CACNA1A: variants seen among roughly 807,000 people sequenced by gnomAD.
CACNA1A encodes the protein voltage-dependent P/Q-type calcium channel subunit alpha-1A.
Under a neutral mutation model 262.4 loss-of-function variants are expected in CACNA1A, and 57 were observed. The ratio of observed to expected loss-of-function variants is 0.22; its 90% CI spans 0.18 to 0.27. The LOEUF (loss-of-function observed/expected upper bound fraction) is 0.27. Among genes scored for constraint, CACNA1A ranks in the 10% least tolerant of loss-of-function variants. The pLI is 1.00. For missense variants in CACNA1A, 2,526 were observed against 3,562.8 expected, an observed-to-expected ratio of 0.71 and a Z score of 7.41; for synonymous variants, 1,431 against 1,419.3, an observed-to-expected ratio of 1.01 and a Z score of -0.18.
chr19:13,389,692 C>T lies in CACNA1A; in HGVS notation c.540-17913G>A, dbSNP rs534707954. Among the ~76,000 whole-genome samples the T allele has an allele frequency of 1.3e-4, 20 of 152,300 alleles. No individual in the cohort carries two copies. The East Asian group carries it at 3.7e-3, about 28-fold the overall frequency. ...TGATTAGCTTTTCAGACTTCACTTC[C>T]CTGATCCGCCTGTTCACATTTTCGG... On this transcript the variant is annotated intron_variant, in intron 3 of 46. Transcript: ENST00000360228.
At chr19:13,299,403 T>G in intron 18 of CACNA1A, 50 bp from the exon 19 acceptor site, 1 of 1,545,872 alleles carries the variant, frequency 6.5e-7, no homozygotes, top group Admixed American at 1.7e-5. Context: ...CACTGTAGCT[T>G]GGATGGATGA....
At chr19:13,327,551 T>A (rs79693119) in intron 10 of CACNA1A, among the ~76,000 whole-genome samples, 19,228 of 149,238 alleles carry the variant, frequency 0.13, 2,263 homozygotes, top group African/African-American at 0.32. Context: ...AAATTAAAAA[T>A]ATATATACAT....
chr19:13,209,479 G>C lies in CACNA1A; in HGVS notation c.6359C>G (p.Pro2120Arg), dbSNP rs866381013. Residue 2120 changes from proline (P) to arginine (R), a missense_variant, in exon 45 of 47, where the codon CCC becomes CGC. Coordinates refer to ENST00000360228, the MANE Select transcript of CACNA1A (RefSeq NM_001127222.2). ...CAGCACGGAGGCTGAACGCTTCATG[G>C]GGCTGGTGTCTGAGATGGTCTGGGG... ...NNLSTISDTS[P>R]MKRSASVLGP... is the part of the protein sequence containing the mutation. The C allele has an allele frequency of 1.5e-6, 2 of 1,336,778 alleles. No individual in the cohort carries two copies. Among genetic ancestry groups the C allele is most frequent in the Admixed American group, 3.4e-5 (1 of 29,818 alleles). 82.8% of individuals were successfully genotyped at this position (1,336,778 alleles called of 1,614,324 possible). A position where few individuals can be genotyped will look rare whatever the true frequency, so the allele number is the denominator to read the frequency against.
In CACNA1A at chr19:13,239,619, G is replaced by T. The variant is rs117574327; in HGVS notation, c.4951-3889C>A. Among the ~76,000 whole-genome samples, 187 of 152,298 alleles carry T rather than the reference G, an allele frequency of 1.2e-3. No homozygotes were observed. The East Asian group carries it at 0.023, about 19-fold the overall frequency. On this transcript the variant is annotated intron_variant, in intron 31 of 46. Transcript: ENST00000360228. The stretch of plus-strand genomic sequence containing the variant: ...TGATTCCAGGGCAAAGATGCCATTG[G>T]GGCGTCCCTCTAAGGGCCTCATTGG...
chr19:13,436,669 C>A (rs1008211817), intron 3 of CACNA1A, among the ~76,000 whole-genome samples: 2 of 152,244 alleles, frequency 1.3e-5, no homozygotes, highest in East Asian at 3.8e-4. Context: ...CTCTGTGGTT[C>A]TGTCTTTACC....
At chr19:13,464,390 C>T (rs1326561379) in intron 1 of CACNA1A, among the ~76,000 whole-genome samples, 1 of 151,904 alleles carries the variant, frequency 6.6e-6, no homozygotes, top group Non-Finnish European at 1.5e-5. Flanking sequence ...CAGAGCAAGA[C>T]CCTATCTCTT....
chr19:13,255,297 A>T, intron 28 of CACNA1A, 38 bp from the exon 29 acceptor site: 6 of 1,540,486 alleles, frequency 3.9e-6, no homozygotes, highest in Non-Finnish European at 5.3e-6. Flanking sequence ...CGGCAGAGGC[A>T]GGAGGAAGGT....
In CACNA1A at chr19:13,239,408, C is replaced by A. The variant is rs112501392; in HGVS notation, c.4951-3678G>T. Among the ~76,000 whole-genome samples the A allele has an allele frequency of 6.8e-3, 1,030 of 152,280 alleles. 9 individuals carry two copies. Among genetic ancestry groups the A allele is most frequent in the African/African-American group, 0.023 (937 of 41,552 alleles). On this transcript the variant is annotated intron_variant, in intron 31 of 46. Coordinates refer to ENST00000360228, the MANE Select transcript of CACNA1A (RefSeq NM_001127222.2). ...GCTGCTCATCCTTCAGCTCGCAGTG[C>A]AGGTATAATTTTAAGTGGAGTCAAG...
At chr19:13,459,032 T>C (rs1419458353) in intron 1 of CACNA1A, among the ~76,000 whole-genome samples, 1 of 152,148 alleles carries the variant, frequency 6.6e-6, no homozygotes, top group Non-Finnish European at 1.5e-5. Flanking sequence ...CTGTGTGTGC[T>C]AGATGCCAGT....
At chr19:13,288,262 C>G (rs1807710967) in intron 19 of CACNA1A, among the ~76,000 whole-genome samples, 1 of 149,816 alleles carries the variant, frequency 6.7e-6, no homozygotes, top group African/African-American at 2.5e-5. Context: ...TTAACTGAGA[C>G]AGAGCCTCAC....
At chr19:13,244,508 A>G (rs2056175305) in intron 31 of CACNA1A, 1 of 151,942 alleles carries the variant, frequency 6.6e-6, no homozygotes, top group African/African-American at 2.4e-5. Context: ...CCTCCCCCCA[A>G]TCTCCTGAGG....
rs561245748 is a variant in CACNA1A at position 13,385,874 on chromosome 19, A to G, written c.540-14095T>C. ...GGAAGGCTCAGTATTTAAAGAAGAG[A>G]GTCCAGGCGTGGTGGCTTATGCCTG... On this transcript the variant is annotated intron_variant, in intron 3 of 46. Coordinates refer to ENST00000360228, the MANE Select transcript of CACNA1A (RefSeq NM_001127222.2). Among the ~76,000 whole-genome samples, 11 of 152,062 alleles carry G rather than the reference A, an allele frequency of 7.2e-5. No homozygotes were observed. In the East Asian group the frequency reaches 2.1e-3, roughly 30 times the overall value.
In CACNA1A at chr19:13,212,355, G is replaced by A. The variant is rs779323327; in HGVS notation, c.6189+29C>T. On this transcript the variant is annotated intron_variant, in intron 42 of 46. Transcript: ENST00000360228. This position sits in a 1 kb window ranked among gnomAD's most constrained non-coding sequence, Gnocchi z 5.6. ...CACCTGAACCACCCGGGCCCTGGGA[G>A]CCATTGGGGAGTTGGGGGACAGAGG... 22 of 1,613,052 alleles carry A rather than the reference G, an allele frequency of 1.4e-5. No individual in the cohort carries two copies. In the South Asian group the frequency reaches 2.4e-4, roughly 18 times the overall value.
chr19:13,341,777 C>T (rs1053022045), intron 6 of CACNA1A, among the ~76,000 whole-genome samples: 4 of 152,172 alleles, frequency 2.6e-5, no homozygotes, highest in African/African-American at 9.7e-5. Flanking sequence ...TTCCCATTTG[C>T]ATTTCACCGC....
At chr19:13,412,534 G>A (rs1229644539) in intron 3 of CACNA1A, among the ~76,000 whole-genome samples, 1 of 150,720 alleles carries the variant, frequency 6.6e-6, no homozygotes, top group African/African-American at 2.4e-5. Context: ...CTGGAGTGCA[G>A]TGGCGCGATC....
chr19:13,226,429 A>T (rs2055450955), intron 37 of CACNA1A: 1 of 152,386 alleles, frequency 6.6e-6, no homozygotes, highest in Admixed American at 6.5e-5. Context: ...AGGTGGCAAC[A>T]CGGGGCAGGT....
At position 13,432,451 on chromosome 19, in the gene CACNA1A, A is replaced by AT. The variant is rs199686191; in HGVS notation, c.539+20424_539+20425insA. On this transcript the variant is annotated intron_variant, in intron 3 of 46. Coordinates refer to ENST00000360228, the MANE Select transcript of CACNA1A (RefSeq NM_001127222.2). ...AATAAATAAATAAATAAATAAATAA[A>AT]AATTAAAAATTTCAAAAAATAAAAA... is the stretch of plus-strand genomic sequence containing the variant. Among the ~76,000 whole-genome samples, 44 of 147,956 alleles carry AT rather than the reference A, an allele frequency of 3.0e-4. 1 individual carries two copies. Among genetic ancestry groups the AT allele is most frequent in the African/African-American group, 1.1e-3 (44 of 40,566 alleles).
intron 25 of CACNA1A, 91 bp from the exon 26 acceptor site, chr19:13,261,701 GATCATTCCCATTTTACAGGCA>G (rs1344435938): frequency 1.9e-5 from 24 of 1,262,688 alleles, no homozygotes; most frequent in Middle Eastern, 2.0e-4. Flanking sequence ...ATACTGCCAT[GATCATTCCCATTTTACAGGCA>G]AGGTCATAAG....
At chr19:13,332,167 A>G (rs10408181) in intron 9 of CACNA1A, among the ~76,000 whole-genome samples, 83,855 of 151,462 alleles carry the variant, frequency 0.55, 24,639 homozygotes, top group East Asian at 0.96. Flanking sequence ...TTGGGAGGCC[A>G]AGGTGTGCAG....
Sources: allele counts gnomAD v4.1 joint callset (sites outside exome capture counted in the v4.1 genomes callset), GRCh38; gene constraint gnomAD v4.1.1; non-coding constraint Gnocchi (gnomAD v3.1); transcripts MANE v1.5; gene names NCBI Gene and HGNC (gene_info 2026-07-23, HGNC 2026-07-21).